Variants in SGMS2 observed in about 807,000 individuals in gnomAD.
The protein encoded by SGMS2 is phosphatidylcholine:ceramide cholinephosphotransferase 2.
A neutral mutation model predicts 43.8 loss-of-function variants in SGMS2; 21 were observed. The observed-to-expected ratio is 0.48, with a 90% CI of 0.34 to 0.69. SGMS2 has a LOEUF of 0.69. Ranked by LOEUF, SGMS2 falls within the 30% of genes least tolerant of loss-of-function variation. The pLI, the probability that SGMS2 is intolerant of heterozygous loss-of-function variation, is 0.01. For synonymous variants in SGMS2, 167 were observed against 160.6 expected, an observed-to-expected ratio of 1.04 and a Z score of -0.30; for missense variants, 384 against 443.2, an observed-to-expected ratio of 0.87 and a Z score of 1.20.
chr4:107,898,977 G>C (rs930213509), intron 3 of SGMS2, among the ~76,000 whole-genome samples: 2 of 152,056 alleles, frequency 1.3e-5, no homozygotes, highest in African/African-American at 4.8e-5. Context: ...TTTCAAGATA[G>C]AGTTTTTTGA....
intron 2 of SGMS2, among the ~76,000 whole-genome samples, chr4:107,887,645 T>G: frequency 6.6e-6 from 1 of 152,178 alleles, no homozygotes; most frequent in Non-Finnish European, 1.5e-5. Context: ...ATTTGGAAAG[T>G]TTGTCAAATA....
chr4:107,843,402 A>C (rs548711508), intron 1 of SGMS2, among the ~76,000 whole-genome samples: 1 of 152,360 alleles, frequency 6.6e-6, no homozygotes, highest in African/African-American at 2.4e-5. Context: ...TTAAATGTTT[A>C]TAAAGCACAA....
chr4:107,867,180 A>G (rs1455424698), intron 2 of SGMS2: 1 of 152,190 alleles, frequency 6.6e-6, no homozygotes, highest in Non-Finnish European at 1.5e-5. Context: ...TCTCCTCCAC[A>G]TAGTTCACAA....
chr4:107,892,234 C>CAAAA (rs34353350), intron 2 of SGMS2, among the ~76,000 whole-genome samples: 1 of 75,092 alleles, frequency 1.3e-5, no homozygotes, highest in Non-Finnish European at 2.5e-5. Flanking sequence ...ACTAAAACTC[C>CAAAA]AAAAAAAAAA....
At chr4:107,835,806 A>G (rs1304578463) in intron 1 of SGMS2, among the ~76,000 whole-genome samples, 2 of 152,186 alleles carry the variant, frequency 1.3e-5, no homozygotes, top group Non-Finnish European at 2.9e-5. Context: ...GTTAATATGA[A>G]CTAAAACTTA....
At chr4:107,885,104 C>A (rs1372250250) in intron 2 of SGMS2, among the ~76,000 whole-genome samples, 5 of 152,080 alleles carry the variant, frequency 3.3e-5, no homozygotes, top group African/African-American at 4.8e-5. Context: ...TCTTACATTG[C>A]AAAATACTGG....
In SGMS2 at chr4:107,903,250, G is replaced by A. The variant is rs774801145; in HGVS notation, c.591G>A (p.Gln197=). The change falls in exon 5 of 7, where the codon CAG becomes CAA. Residue 197 remains glutamine, a synonymous_variant. Transcript: ENST00000690982. ...TCATTCAGCTCAATGGAGACTCTCA[G>A]GCAAAAGTTCAACGGATTCTACGAT... is the stretch of plus-strand genomic sequence containing the variant. The part of the protein sequence containing the change: ...QCAPKLNGDS[Q]AKVQRILRLI... The A allele has an allele frequency of 1.2e-6, 2 of 1,613,982 alleles. No homozygotes were observed. The highest frequency in any genetic ancestry group is 1.7e-5 in the Admixed American group (1 of 60,008).
chr4:107,880,366 G>C (rs1729242999), intron 2 of SGMS2, among the ~76,000 whole-genome samples: 2 of 152,144 alleles, frequency 1.3e-5, no homozygotes, highest in African/African-American at 2.4e-5. Context: ...GAAATACATG[G>C]TAACTTTTTG....
In SGMS2 at chr4:107,895,385, C is replaced by A. The variant is rs1040260449; in HGVS notation, c.-169C>A. ...GTGGTGAAGGTACAGCATATAGCTG[C>A]ATGGAAGAAACAGTAATCGGATGGC... is the stretch of plus-strand genomic sequence containing the variant. On this transcript the variant is annotated 5_prime_UTR_variant, in exon 3 of 7. Coordinates refer to ENST00000690982, the MANE Select transcript of SGMS2 (RefSeq NM_001375905.1). 1 of 679,446 alleles carries A rather than the reference C, an allele frequency of 1.5e-6. No homozygotes were observed. The allele number at this position is 679,446 out of a possible 1,614,324, so 42.1% of individuals were successfully genotyped here.
intron 1 of SGMS2, among the ~76,000 whole-genome samples, chr4:107,846,217 T>G (rs1578518709): frequency 6.7e-6 from 1 of 149,006 alleles, no homozygotes; most frequent in Non-Finnish European, 1.5e-5. Flanking sequence ...ACCCATTAAC[T>G]TGTCATTTAG....
intron 5 of SGMS2, among the ~76,000 whole-genome samples, 174 bp downstream of exon 5, chr4:107,903,560 TATATAAA>T (rs1731312070): frequency 6.6e-6 from 1 of 152,062 alleles, no homozygotes; most frequent in African/African-American, 2.4e-5. Flanking sequence ...TGTCTGTATA[TATATAAA>T]ATATAAAATT....
intron 2 of SGMS2, among the ~76,000 whole-genome samples, chr4:107,872,480 A>G (rs1728619627): frequency 6.6e-6 from 1 of 152,302 alleles, no homozygotes; most frequent in East Asian, 1.9e-4. Flanking sequence ...TGACTAGTAC[A>G]TAGTTGGCAC....
intron 1 of SGMS2, among the ~76,000 whole-genome samples, chr4:107,858,194 A>G (rs1205840463): frequency 6.6e-6 from 1 of 152,196 alleles, no homozygotes; most frequent in African/African-American, 2.4e-5. Context: ...ATCAGGAGGC[A>G]AGGGAATCTG....
chr4:107,883,067 A>C (rs1729484237), intron 2 of SGMS2, among the ~76,000 whole-genome samples: 1 of 152,148 alleles, frequency 6.6e-6, no homozygotes, highest in African/African-American at 2.4e-5. Context: ...ATGCACCACA[A>C]GGCACACTTA....
chr4:107,865,970 A>G (rs1419336512), intron 2 of SGMS2, among the ~76,000 whole-genome samples: 1 of 152,210 alleles, frequency 6.6e-6, no homozygotes, highest in East Asian at 1.9e-4. Flanking sequence ...CCAATGGCCA[A>G]TCATTTAGCA....
chr4:107,868,514 T>A (rs1475269964), intron 2 of SGMS2, among the ~76,000 whole-genome samples: 1 of 152,102 alleles, frequency 6.6e-6, no homozygotes, highest in Non-Finnish European at 1.5e-5. Flanking sequence ...GTCAGGAGTT[T>A]GAGATCAGCC....
At chr4:107,830,918 T>G (rs1395961332) in intron 1 of SGMS2, among the ~76,000 whole-genome samples, 1 of 152,082 alleles carries the variant, frequency 6.6e-6, no homozygotes, top group Non-Finnish European at 1.5e-5. Context: ...ACACAGAAGA[T>G]GGAGTTAGTG....
intron 5 of SGMS2, among the ~76,000 whole-genome samples, chr4:107,905,762 T>A (rs1466483386): frequency 6.6e-6 from 1 of 152,220 alleles, no homozygotes; most frequent in Non-Finnish European, 1.5e-5. Context: ...AGTCTACTTA[T>A]CTATAAGCAG....
chr4:107,886,758 A>G (rs1729783105), intron 2 of SGMS2: 2 of 152,168 alleles, frequency 1.3e-5, no homozygotes, highest in Non-Finnish European at 2.9e-5. Context: ...GTCAAGTTTG[A>G]TTCTTTAAAG....
Sources: allele counts gnomAD v4.1 joint callset (sites outside exome capture counted in the v4.1 genomes callset), GRCh38; gene constraint gnomAD v4.1.1; transcripts MANE v1.5; gene names NCBI Gene and HGNC (gene_info 2026-07-23, HGNC 2026-07-21).